FCHSD2: variants seen among roughly 807,000 people sequenced by gnomAD.
FCHSD2 encodes FCH and double SH3 domains 2, also known as F-BAR and double SH3 domains protein 2.
FCHSD2 carries 38 observed loss-of-function variants against 108.1 expected under a neutral mutation model. The ratio of observed to expected loss-of-function variants is 0.35; its 90% CI spans 0.27 to 0.46. The LOEUF (loss-of-function observed/expected upper bound fraction) is 0.46, where lower values mean the gene tolerates loss of function less well. FCHSD2 is among the 20% of genes least tolerant of loss of function. The probability of loss-of-function intolerance (pLI) is 1.00; values close to 1 mark genes in which losing one functional copy is unlikely to be tolerated. For missense variants in FCHSD2, 751 were observed against 897.8 expected (o/e 0.84, Z 2.09); for synonymous variants, 279 against 314.7 (o/e 0.89, Z 1.20).
At chr11:73,096,065 T>C (rs979570406) in intron 2 of FCHSD2, among the ~76,000 whole-genome samples, 11 of 150,998 alleles carry the variant, frequency 7.3e-5, no homozygotes, top group African/African-American at 2.2e-4. Flanking sequence ...CATTCAAAAA[T>C]AAACCACCAT....
At chr11:72,895,017 A>T (rs1855389731) in intron 10 of FCHSD2, among the ~76,000 whole-genome samples, 1 of 152,222 alleles carries the variant, frequency 6.6e-6, no homozygotes, top group South Asian at 2.1e-4. Context: ...CTTTTAAGTC[A>T]CATATTTCAA....
chr11:73,082,931 T>C (rs1403484135), intron 3 of FCHSD2, among the ~76,000 whole-genome samples: 1 of 152,212 alleles, frequency 6.6e-6, no homozygotes, highest in Non-Finnish European at 1.5e-5. Context: ...TTTTGTAATC[T>C]GGACTCCACT....
chr11:72,857,702 G>A (rs920491517), intron 13 of FCHSD2, among the ~76,000 whole-genome samples: 10 of 151,414 alleles, frequency 6.6e-5, no homozygotes, highest in Non-Finnish European at 8.8e-5. Context: ...CACCTGCCTC[G>A]GCCTTCCAAA....
At chr11:72,841,389 T>G in intron 18 of FCHSD2, 65 bp downstream of exon 18, 1 of 1,315,230 alleles carries the variant, frequency 7.6e-7, no homozygotes, top group Non-Finnish European at 1.0e-6. Context: ...TTTTTGCCCT[T>G]CAGGCGAATA....
intron 2 of FCHSD2, among the ~76,000 whole-genome samples, chr11:73,097,382 TTA>T (rs1475228709): frequency 6.6e-6 from 1 of 151,076 alleles, no homozygotes; most frequent in Non-Finnish European, 1.5e-5. Flanking sequence ...TTTTATTTAT[TTA>T]TTTTTTTTTT....
rs1209968494 is a variant in FCHSD2, at chr11:72,925,348, T to G, written c.706-3398A>C. ...TACAAATCAGGAATTATACATTCAC[T>G]CAGCTTCTTAAATCCTACTTTAAAA... On this transcript the variant is annotated intron_variant, in intron 8 of 19. Coordinates refer to ENST00000409418, the MANE Select transcript of FCHSD2 (RefSeq NM_014824.3). 3.9e-5 allele frequency among the ~76,000 whole-genome samples: 6 copies of G among 152,180 alleles called. No homozygotes were observed. The South Asian group carries it at 1.2e-3, about 32-fold the overall frequency.
At chr11:72,871,806 G>A (rs1044182933) in intron 12 of FCHSD2, among the ~76,000 whole-genome samples, 2 of 146,554 alleles carry the variant, frequency 1.4e-5, no homozygotes, top group Non-Finnish European at 3.0e-5. Flanking sequence ...TGCCCAGGCT[G>A]CTCTTGAACT....
Position 72,902,834 on chromosome 11 carries a change from A to C in FCHSD2, c.829-196T>G, listed in dbSNP as rs569346616. Among the ~76,000 whole-genome samples the C allele has an allele frequency of 1.8e-4, 27 of 152,352 alleles. 1 individual carries two copies. In the South Asian group the frequency reaches 5.6e-3, roughly 32 times the overall value. ...ATTATTTATCTGTCCTATTTTCTCA[A>C]AAATAAATTTGGAAAGTGATAGTTT... On this transcript the variant is annotated intron_variant, in intron 9 of 19. Transcript: ENST00000409418.
chr11:73,061,614 G>A (rs1859166822), intron 3 of FCHSD2, among the ~76,000 whole-genome samples: 1 of 152,266 alleles, frequency 6.6e-6, no homozygotes, highest in Non-Finnish European at 1.5e-5. Context: ...TGGGACGCTC[G>A]AGCTTGGTGT....
intron 5 of FCHSD2, among the ~76,000 whole-genome samples, chr11:73,000,605 G>A (rs1181749740): frequency 6.6e-6 from 1 of 152,182 alleles, no homozygotes; most frequent in Non-Finnish European, 1.5e-5. Flanking sequence ...AATGGGTCAA[G>A]TTGAAAGTAA....
intron 13 of FCHSD2, among the ~76,000 whole-genome samples, chr11:72,864,861 A>G (rs773887796): frequency 1.3e-5 from 2 of 152,190 alleles, no homozygotes; most frequent in African/African-American, 2.4e-5. Context: ...GCTGGCAGCA[A>G]TCTAACAGGG....
chr11:73,074,777 T>C (rs2135504066), intron 3 of FCHSD2, among the ~76,000 whole-genome samples: 1 of 152,260 alleles, frequency 6.6e-6, no homozygotes. Flanking sequence ...CCAGGCACAG[T>C]GGCTCATGCC....
intron 3 of FCHSD2, among the ~76,000 whole-genome samples, chr11:73,063,798 T>G (rs776757155): frequency 3.3e-5 from 5 of 152,130 alleles, no homozygotes; most frequent in Admixed American, 1.3e-4. Flanking sequence ...AGCAAGTTCT[T>G]AGAGACTTAC....
At chr11:72,894,030 A>G (rs2135258713) in intron 10 of FCHSD2, among the ~76,000 whole-genome samples, 1 of 152,330 alleles carries the variant, frequency 6.6e-6, no homozygotes, top group East Asian at 1.9e-4. Flanking sequence ...GAAGAAAACA[A>G]TCAGTTTTTT....
At chr11:72,923,661 G>A (rs903078280) in intron 8 of FCHSD2, among the ~76,000 whole-genome samples, 1 of 152,178 alleles carries the variant, frequency 6.6e-6, no homozygotes, top group African/African-American at 2.4e-5. Flanking sequence ...AGGTTGTCAG[G>A]TTGGGTGTGG....
intron 8 of FCHSD2, among the ~76,000 whole-genome samples, chr11:72,974,042 C>T (rs554630388): frequency 7.9e-6 from 1 of 126,916 alleles, no homozygotes; most frequent in East Asian, 2.3e-4. Flanking sequence ...GAAAAATGAC[C>T]AGCAGAGTTG....
chr11:73,072,492 G>A (rs1859460645), intron 3 of FCHSD2, among the ~76,000 whole-genome samples: 1 of 151,860 alleles, frequency 6.6e-6, no homozygotes, highest in Non-Finnish European at 1.5e-5. Flanking sequence ...TTTCAGGAGA[G>A]GACTCCATCT....
At chr11:72,962,129 G>C (rs1205738096) in intron 8 of FCHSD2, among the ~76,000 whole-genome samples, 1 of 152,142 alleles carries the variant, frequency 6.6e-6, no homozygotes, top group East Asian at 1.9e-4. Flanking sequence ...GGTTCTCAAG[G>C]TAAGATCAAG....
intron 8 of FCHSD2, among the ~76,000 whole-genome samples, chr11:72,952,745 TAC>T (rs1476275513): frequency 1.3e-5 from 2 of 152,198 alleles, no homozygotes; most frequent in Non-Finnish European, 2.9e-5. Flanking sequence ...AATGAATACT[TAC>T]AGAACACCTA....
Sources: allele counts gnomAD v4.1 joint callset (sites outside exome capture counted in the v4.1 genomes callset), GRCh38; gene constraint gnomAD v4.1.1; transcripts MANE v1.5; gene names NCBI Gene and HGNC (gene_info 2026-07-23, HGNC 2026-07-21).